NFATC1: variants seen among roughly 807,000 people sequenced by gnomAD.
The protein encoded by NFATC1 is nuclear factor of activated T cells 1, also known as nuclear factor of activated T-cells, cytoplasmic 1.
Under a neutral mutation model 76.0 loss-of-function variants are expected in NFATC1, and 22 were observed. The ratio of observed to expected loss-of-function variants is 0.29; its 90% CI spans 0.21 to 0.41. The LOEUF (loss-of-function observed/expected upper bound fraction) is 0.41. Ranked by LOEUF, NFATC1 falls within the 10% of genes least tolerant of loss-of-function variation. The probability of loss-of-function intolerance (pLI) is 1.00; values close to 1 mark genes in which losing one functional copy is unlikely to be tolerated. For synonymous variants in NFATC1, 704 were observed against 613.1 expected (o/e 1.15, Z -2.19); for missense variants, 1,357 against 1,337.7 (o/e 1.01, Z -0.23).
Position 79,486,898 on chromosome 18 carries a change from C to T in NFATC1, c.2743C>T (p.Arg915Ter), listed in dbSNP as rs1229273285. The change falls in exon 9 of 10, where the codon CGA becomes TGA. Residue 915 changes from arginine (R) to a stop codon, truncating the protein, a stop_gained. Transcript: ENST00000427363. LOFTEE classifies it high-confidence loss of function. ...GGCCCCTATTCCTGTAACGGTCAAG[C>T]GAGAGCCTGAAGAGTTGGACCAGTT... ...NLAPIPVTVKREPEELDQLYL... is the reference protein window; with the variant it reads ...NLAPIPVTVK 13 of 1,607,814 alleles carry T rather than the reference C, an allele frequency of 8.1e-6. No homozygotes were observed. The East Asian group carries it at 1.3e-4, about 17-fold the overall frequency.
At chr18:79,504,403 A>G (rs2090079189) in intron 9 of NFATC1, among the ~76,000 whole-genome samples, 1 of 152,182 alleles carries the variant, frequency 6.6e-6, no homozygotes, top group South Asian at 2.1e-4. Flanking sequence ...GAGCCCAGGG[A>G]GAGAGATAGA....
intron 7 of NFATC1, among the ~76,000 whole-genome samples, chr18:79,461,813 G>A (rs756269039): frequency 2.0e-5 from 3 of 152,208 alleles, no homozygotes; most frequent in South Asian, 2.1e-4. Flanking sequence ...TCACAGCACC[G>A]AGGGCAGGGC....
At chr18:79,522,515 G>T (rs1393746492) in intron 9 of NFATC1, among the ~76,000 whole-genome samples, 1 of 127,600 alleles carries the variant, frequency 7.8e-6, no homozygotes, top group Non-Finnish European at 1.7e-5. Context: ...GTGTGGGGGG[G>T]GTGCGTCCAC....
intron 8 of NFATC1, among the ~76,000 whole-genome samples, chr18:79,486,031 C>T (rs572290884): frequency 3.3e-5 from 5 of 152,136 alleles, no homozygotes; most frequent in East Asian, 1.9e-4. Context: ...CAGGAGGTTC[C>T]AAGGAAAACA....
At chr18:79,428,115 G>GT (rs1201422945) in intron 2 of NFATC1, among the ~76,000 whole-genome samples, 1 of 149,756 alleles carries the variant, frequency 6.7e-6, no homozygotes, top group Admixed American at 6.6e-5. Context: ...GGGTTGGGGG[G>GT]GCCTGGACGT....
Position 79,464,383 on chromosome 18 carries a change from C to T in NFATC1, c.1959+3017C>T, listed in dbSNP as rs548031589. 2.0e-5 allele frequency among the ~76,000 whole-genome samples: 3 copies of T among 152,258 alleles called. No individual in the cohort carries two copies. The South Asian group carries it at 6.2e-4, about 32-fold the overall frequency. On this transcript the variant is annotated intron_variant, in intron 7 of 9. Transcript: ENST00000427363. ...GTGCTGGGATTACAGGCGTGAGCCA[C>T]CGCGCCCGGCCTGCTGTTTCATTTT... is the stretch of plus-strand genomic sequence containing the variant.
chr18:79,527,415 G>A, intron 9 of NFATC1, 113 bp from the exon 10 acceptor site: 4 of 827,222 alleles, frequency 4.8e-6, no homozygotes, highest in Non-Finnish European at 8.0e-6. Flanking sequence ...GGGTTCCTGG[G>A]GAGATGCCTT....
rs1447279775 is a variant in NFATC1 at position 79,524,377 on chromosome 18, C to T, written c.2783-3151C>T. On this transcript the variant is annotated intron_variant, in intron 9 of 9. Transcript: ENST00000427363. The surrounding 1 kb of genome is among the most constrained non-coding windows in gnomAD (Gnocchi z 7.2). ...GGATGGGTGGGCGGTACAGCCTCCTCTGCGGTTCGGTTGCTGTGCTGTCCT... is the reference window on the plus strand; with the variant it reads ...GGATGGGTGGGCGGTACAGCCTCCTTTGCGGTTCGGTTGCTGTGCTGTCCT... Among the ~76,000 whole-genome samples the T allele has an allele frequency of 1.3e-5, 2 of 152,230 alleles. No individual in the cohort carries two copies. Among genetic ancestry groups the T allele is most frequent in the African/African-American group, 4.8e-5 (2 of 41,442 alleles).
chr18:79,463,731 T>C (rs1457761130), intron 7 of NFATC1, among the ~76,000 whole-genome samples: 2 of 152,196 alleles, frequency 1.3e-5, no homozygotes, highest in Admixed American at 1.3e-4. Flanking sequence ...CTGCAGGCAG[T>C]GTACCCTGGT....
At chr18:79,488,365 C>T (rs982539109) in intron 9 of NFATC1, among the ~76,000 whole-genome samples, 8 of 150,460 alleles carry the variant, frequency 5.3e-5, no homozygotes, top group Admixed American at 2.6e-4. Flanking sequence ...CCATGAAGCC[C>T]GCAGCCCTCA....
At chr18:79,485,855 G>A (rs1369642073) in intron 8 of NFATC1, among the ~76,000 whole-genome samples, 7 of 152,192 alleles carry the variant, frequency 4.6e-5, no homozygotes, top group Non-Finnish European at 7.3e-5. Flanking sequence ...TTCTGTGTTC[G>A]AGTTTACCAA....
chr18:79,411,673 T>A (rs1288682149), intron 2 of NFATC1, among the ~76,000 whole-genome samples, 172 bp downstream of exon 2: 1 of 152,152 alleles, frequency 6.6e-6, no homozygotes, highest in Non-Finnish European at 1.5e-5. Flanking sequence ...TCTGTCCCCA[T>A]GTCTGCCTCC....
At chr18:79,411,587 C>T (rs1343173322) in intron 2 of NFATC1, 86 bp downstream of exon 2, 23 of 1,045,212 alleles carry the variant, frequency 2.2e-5, no homozygotes, top group Middle Eastern at 4.0e-4. Flanking sequence ...GGGGGCGGCG[C>T]GGGGCGGCCG....
At chr18:79,452,104 C>T (rs1031488040) in intron 6 of NFATC1, 10 of 291,746 alleles carry the variant, frequency 3.4e-5, no homozygotes, top group Middle Eastern at 1.0e-3. Flanking sequence ...GGGCTGGGGA[C>T]GCAGAGGAGG....
rs1465816201 is a variant in NFATC1 at position 79,473,939 on chromosome 18, A to G, written c.2092+6357A>G. Among the ~76,000 whole-genome samples the G allele has an allele frequency of 9.8e-4, 108 of 109,670 alleles. No homozygotes were observed. In the Middle Eastern group the frequency reaches 0.03, roughly 30 times the overall value. The allele number at this position is 109,670 out of a possible 152,430, so 71.9% of individuals were successfully genotyped here. ...GCGTGTTCTCACGCTCACTGTCGAC[A>G]TTGTAAACCTGAGGGAAGCGTGTTC... is the stretch of plus-strand genomic sequence containing the variant. On this transcript the variant is annotated intron_variant, in intron 8 of 9. Coordinates refer to ENST00000427363, the MANE Select transcript of NFATC1 (RefSeq NM_001278669.2).
intron 6 of NFATC1, among the ~76,000 whole-genome samples, chr18:79,455,648 C>T (rs1382942913): frequency 1.3e-5 from 2 of 152,162 alleles, no homozygotes; most frequent in African/African-American, 4.8e-5. Flanking sequence ...CTCCCGGAGG[C>T]CCCCAGCCCA....
chr18:79,527,428 C>A, intron 9 of NFATC1, 100 bp from the exon 10 acceptor site: 1 of 950,254 alleles, frequency 1.1e-6, no homozygotes. Flanking sequence ...GATGCCTTGT[C>A]ACAGGCGTGA....
intron 3 of NFATC1, among the ~76,000 whole-genome samples, chr18:79,434,303 C>G (rs1437190521): frequency 6.6e-6 from 1 of 152,226 alleles, no homozygotes; most frequent in Non-Finnish European, 1.5e-5. Flanking sequence ...TGGGGTGGGC[C>G]TGACTCCCCC....
chr18:79,522,405 C>G (rs1264339017), intron 9 of NFATC1, among the ~76,000 whole-genome samples: 1 of 44,204 alleles, frequency 2.3e-5, no homozygotes, highest in Non-Finnish European at 4.0e-5. Flanking sequence ...CGGATTGTGT[C>G]TGGGTGGGGG....
Sources: allele counts gnomAD v4.1 joint callset (sites outside exome capture counted in the v4.1 genomes callset), GRCh38; gene constraint gnomAD v4.1.1; non-coding constraint Gnocchi (gnomAD v3.1); transcripts MANE v1.5; gene names NCBI Gene and HGNC (gene_info 2026-07-23, HGNC 2026-07-21).